Variants in SLC3A1 observed in about 807,000 individuals in gnomAD.
The protein encoded by SLC3A1 is amino acid transporter heavy chain SLC3A1.
A neutral mutation model predicts 60.3 loss-of-function variants in SLC3A1; 78 were observed. The ratio of observed to expected loss-of-function variants is 1.29; its 90% CI spans 1.08 to 1.56. The LOEUF (loss-of-function observed/expected upper bound fraction) is 1.56, where lower values mean the gene tolerates loss of function less well. Among genes scored for constraint, SLC3A1 ranks in the 40% most tolerant of loss-of-function variants. The pLI, the probability that SLC3A1 is intolerant of heterozygous loss-of-function variation, is 0.00. For missense variants in SLC3A1, 1,172 were observed against 858.9 expected, an observed-to-expected ratio of 1.36 and a Z score of -4.56; for synonymous variants, 392 against 307.9, an observed-to-expected ratio of 1.27 and a Z score of -2.86.
chr2:44,298,194 AAT>A (rs1243071473), intron 4 of SLC3A1, among the ~76,000 whole-genome samples: 2 of 152,164 alleles, frequency 1.3e-5, no homozygotes, highest in African/African-American at 4.8e-5. Context: ...CTTTAAAAAA[AAT>A]GTTAAGTCAG....
intron 7 of SLC3A1, among the ~76,000 whole-genome samples, chr2:44,310,758 C>CAT (rs779877159): frequency 7.3e-5 from 11 of 151,376 alleles, no homozygotes; most frequent in Non-Finnish European, 5.9e-5. Flanking sequence ...TCCCATTATG[C>CAT]ATATGTTGGT....
intron 3 of SLC3A1, among the ~76,000 whole-genome samples, chr2:44,283,066 TC>T (rs897664090): frequency 8.5e-5 from 13 of 152,176 alleles, no homozygotes; most frequent in African/African-American, 3.1e-4. Context: ...GGCCAGAGCT[TC>T]CCCTTGCCCG....
chr2:44,284,738 T>A (rs911178788), intron 3 of SLC3A1, among the ~76,000 whole-genome samples: 1 of 151,966 alleles, frequency 6.6e-6, no homozygotes, highest in Non-Finnish European at 1.5e-5. Flanking sequence ...TGAGTTTTTT[T>A]ATTTTTTTGT....
intron 3 of SLC3A1, among the ~76,000 whole-genome samples, chr2:44,284,449 A>T (rs1402399709): frequency 6.6e-6 from 1 of 152,200 alleles, no homozygotes; most frequent in Admixed American, 6.5e-5. Context: ...GCTCTACAGG[A>T]TAGTGTCAAA....
chr2:44,295,720 C>T (rs187534725), intron 4 of SLC3A1, among the ~76,000 whole-genome samples: 5 of 152,290 alleles, frequency 3.3e-5, no homozygotes, highest in Admixed American at 6.5e-5. Flanking sequence ...TGCTGAGATC[C>T]GGACTCCGTA....
intron 4 of SLC3A1, among the ~76,000 whole-genome samples, chr2:44,290,337 T>G (rs76040329): frequency 0.021 from 3,227 of 152,220 alleles, 133 homozygotes; most frequent in African/African-American, 0.074. Context: ...TACTAGCGCT[T>G]TGTAGTAAGT....
chr2:44,281,678 G>T (rs1671503455), intron 3 of SLC3A1, 137 bp downstream of exon 3: 1 of 788,064 alleles, frequency 1.3e-6, no homozygotes, highest in African/African-American at 1.8e-5. Flanking sequence ...GAAAGAAATA[G>T]AAATAAGGTT....
At chr2:44,292,176 A>G (rs892179128) in intron 4 of SLC3A1, among the ~76,000 whole-genome samples, 3 of 151,944 alleles carry the variant, frequency 2.0e-5, no homozygotes, top group African/African-American at 7.3e-5. Flanking sequence ...GAGTGATCCT[A>G]CACCTGCCAT....
chr2:44,311,732 A>AC (rs1258030949), intron 7 of SLC3A1, among the ~76,000 whole-genome samples: 1 of 151,750 alleles, frequency 6.6e-6, no homozygotes, highest in Non-Finnish European at 1.5e-5. Flanking sequence ...TTAAAAAAAA[A>AC]AAAACCCAAC....
intron 4 of SLC3A1, among the ~76,000 whole-genome samples, chr2:44,289,448 CA>C (rs775732944): frequency 6.6e-6 from 1 of 151,782 alleles, no homozygotes; most frequent in Non-Finnish European, 1.5e-5. Context: ...TGGTCTCAAG[CA>C]ATCCTCCTGC....
chr2:44,317,787 A>C, intron 9 of SLC3A1: 1 of 154,920 alleles, frequency 6.5e-6, no homozygotes, highest in East Asian at 1.9e-4. Flanking sequence ...CCTAAACAAT[A>C]GTATAACTAC....
intron 1 of SLC3A1, 95 bp downstream of exon 1, chr2:44,276,060 G>C: frequency 2.7e-6 from 3 of 1,102,474 alleles, no homozygotes; most frequent in Non-Finnish European, 4.2e-6. Flanking sequence ...GGGTTGTTCA[G>C]TAAGCACATT....
chr2:44,303,826 C>A (rs112533309), intron 6 of SLC3A1: 1 of 507,308 alleles, frequency 2.0e-6, no homozygotes, highest in Non-Finnish European at 3.6e-6. Flanking sequence ...TGAGAACATG[C>A]GGTGTTTGGT....
chr2:44,321,559 G>A, downstream of SLC3A1: 1 of 1,507,710 alleles, frequency 6.6e-7, no homozygotes, highest in Non-Finnish European at 8.9e-7. Context: ...GCAATTTATG[G>A]CAAGAATACT....
At chr2:44,301,979 G>A (rs565194979) in intron 6 of SLC3A1, among the ~76,000 whole-genome samples, 5 of 152,150 alleles carry the variant, frequency 3.3e-5, no homozygotes, top group African/African-American at 4.8e-5. Flanking sequence ...TGCTTGAACC[G>A]GGGAGGTGGA....
chr2:44,321,273 TA>T lies in SLC3A1; in HGVS notation c.*636del. 1 of 1,172,634 alleles carries T rather than the reference TA, an allele frequency of 8.5e-7. No individual in the cohort carries two copies. 72.6% of individuals were successfully genotyped at this position (1,172,634 alleles called of 1,614,324 possible). A position where few individuals can be genotyped will look rare whatever the true frequency, so the allele number is the denominator to read the frequency against. On this transcript the variant is annotated 3_prime_UTR_variant, in exon 10 of 10. Coordinates refer to ENST00000260649, the MANE Select transcript of SLC3A1 (RefSeq NM_000341.4). ...TAATAACTTAAAAGTCTCAAGTTATTAATTTTTTTTTTGCTAACTCAATTGG... is the reference window on the plus strand; with the variant it reads ...TAATAACTTAAAAGTCTCAAGTTATTATTTTTTTTTTGCTAACTCAATTGG...
intron 6 of SLC3A1, chr2:44,303,720 T>A (rs749500714): frequency 4.4e-5 from 14 of 318,726 alleles, no homozygotes; most frequent in African/African-American, 6.4e-5. Flanking sequence ...CCTAATGCTA[T>A]CCTTCCCTTA....
chr2:44,319,344 A>G (rs1325355234), intron 9 of SLC3A1: 1 of 152,638 alleles, frequency 6.6e-6, no homozygotes, highest in African/African-American at 2.4e-5. Flanking sequence ...CTCTTTGACA[A>G]AGTAACTGTC....
chr2:44,287,991 A>G (rs1671656479), intron 4 of SLC3A1, among the ~76,000 whole-genome samples: 1 of 151,878 alleles, frequency 6.6e-6, no homozygotes, highest in Non-Finnish European at 1.5e-5. Flanking sequence ...CAGTGGTTTT[A>G]GTATCTTCAC....
Sources: allele counts gnomAD v4.1 joint callset (sites outside exome capture counted in the v4.1 genomes callset), GRCh38; gene constraint gnomAD v4.1.1; transcripts MANE v1.5; gene names NCBI Gene and HGNC (gene_info 2026-07-23, HGNC 2026-07-21).